Variants in GABRB2 observed in about 807,000 individuals in gnomAD.
GABRB2 encodes gamma-aminobutyric acid receptor subunit beta-2.
GABRB2 carries 16 observed loss-of-function variants against 54.7 expected under a neutral mutation model. The observed-to-expected ratio is 0.29, with a 90% CI of 0.20 to 0.44. GABRB2 has a LOEUF of 0.44. Ranked by LOEUF, GABRB2 falls within the 20% of genes least tolerant of loss-of-function variation. GABRB2 has a pLI of 1.00. For missense variants in GABRB2, 355 were observed against 644.0 expected (o/e 0.55, Z 4.86); for synonymous variants, 244 against 233.8 (o/e 1.04, Z -0.40).
chr5:161,486,880 G>C (rs564664707), intron 3 of GABRB2, among the ~76,000 whole-genome samples: 1 of 151,966 alleles, frequency 6.6e-6, no homozygotes, highest in South Asian at 2.1e-4. Flanking sequence ...ATTGAACATA[G>C]CTCATGTGCC....
chr5:161,481,222 T>C (rs1035938937), intron 3 of GABRB2, among the ~76,000 whole-genome samples: 3 of 152,030 alleles, frequency 2.0e-5, no homozygotes, highest in African/African-American at 7.2e-5. Flanking sequence ...ATGGAATCCA[T>C]ATTAGATGTG....
At chr5:161,382,555 T>A (rs2113485744) in intron 5 of GABRB2, among the ~76,000 whole-genome samples, 1 of 152,252 alleles carries the variant, frequency 6.6e-6, no homozygotes, top group Non-Finnish European at 1.5e-5. Flanking sequence ...GCTCACTGGG[T>A]AAATAACATT....
intron 3 of GABRB2, among the ~76,000 whole-genome samples, chr5:161,543,047 C>G (rs1760867881): frequency 6.6e-6 from 1 of 152,230 alleles, no homozygotes; most frequent in South Asian, 2.1e-4. Flanking sequence ...AAGTGACAAT[C>G]TAGCTGGACA....
At chr5:161,545,803 C>T (rs759644360) in intron 2 of GABRB2, among the ~76,000 whole-genome samples, 5 of 152,102 alleles carry the variant, frequency 3.3e-5, no homozygotes, top group Admixed American at 6.5e-5. Context: ...TTCTCCCTAC[C>T]CTCCCATCCC....
chr5:161,447,590 C>A (rs1343515164), intron 4 of GABRB2, among the ~76,000 whole-genome samples: 2 of 152,076 alleles, frequency 1.3e-5, no homozygotes, highest in Non-Finnish European at 2.9e-5. Context: ...ATAGCTTGAG[C>A]ATTTTGTAAA....
intron 5 of GABRB2, among the ~76,000 whole-genome samples, chr5:161,361,149 C>A (rs925706270): frequency 6.6e-6 from 1 of 151,628 alleles, no homozygotes; most frequent in African/African-American, 2.4e-5. Context: ...GAGAAGGAGG[C>A]AAGAAATGAG....
intron 3 of GABRB2, among the ~76,000 whole-genome samples, chr5:161,517,921 C>T (rs1186594062): frequency 2.0e-5 from 3 of 152,068 alleles, no homozygotes; most frequent in Non-Finnish European, 4.4e-5. Context: ...CTCAGCCTCC[C>T]AAGTAACTGG....
intron 7 of GABRB2, among the ~76,000 whole-genome samples, chr5:161,332,895 C>T (rs1230082619): frequency 6.6e-6 from 1 of 151,806 alleles, no homozygotes; most frequent in Non-Finnish European, 1.5e-5. Flanking sequence ...CCCATAAAAC[C>T]TTGGTCTTGC....
chr5:161,428,552 T>C (rs1757079150), intron 4 of GABRB2, among the ~76,000 whole-genome samples: 1 of 152,120 alleles, frequency 6.6e-6, no homozygotes, highest in African/African-American at 2.4e-5. Context: ...GGATAATGTA[T>C]AAACTTAAAA....
rs1237952955 is a variant in GABRB2 at position 161,341,937 on chromosome 5, TTATA to T, written c.542-5172_542-5169del. ...TTAATGCCACTATTTATTTTTTCTT[TTATA>T]TATATATATATATATATATATATAT... On this transcript the variant is annotated intron_variant, in intron 5 of 9. Coordinates refer to ENST00000393959, the MANE Select transcript of GABRB2 (RefSeq NM_001371727.1). Among the ~76,000 whole-genome samples the T allele has an allele frequency of 3.1e-3, 237 of 75,694 alleles. 3 individuals carry two copies. The highest frequency in any genetic ancestry group is 9.7e-3 in the African/African-American group (214 of 21,968). The allele number at this position is 75,694 out of a possible 152,430, so 49.7% of individuals were successfully genotyped here. A position where few individuals can be genotyped will look rare whatever the true frequency, so the allele number is the denominator to read the frequency against.
At chr5:161,341,741 A>C (rs1754163471) in intron 5 of GABRB2, among the ~76,000 whole-genome samples, 1 of 151,204 alleles carries the variant, frequency 6.6e-6, no homozygotes, top group Non-Finnish European at 1.5e-5. Flanking sequence ...TTATCTGATT[A>C]TATAACATGG....
intron 5 of GABRB2, among the ~76,000 whole-genome samples, chr5:161,382,801 A>G (rs114975581): frequency 0.02 from 3,076 of 152,252 alleles, 43 homozygotes; most frequent in Non-Finnish European, 0.033. Flanking sequence ...ATCTAGTCCT[A>G]TAGGCCTATT....
At chr5:161,409,114 A>C (rs748662903) in intron 5 of GABRB2, among the ~76,000 whole-genome samples, 15 of 152,056 alleles carry the variant, frequency 9.9e-5, no homozygotes, top group Admixed American at 2.6e-4. Context: ...TTTTAGACTA[A>C]GGGGTTTTAG....
chr5:161,364,264 C>T (rs1349369920), intron 5 of GABRB2, among the ~76,000 whole-genome samples: 3 of 152,060 alleles, frequency 2.0e-5, no homozygotes, highest in Admixed American at 2.0e-4. Context: ...ATTTGGTAGT[C>T]ATTTCATCTT....
Position 161,521,313 on chromosome 5 carries a change from A to G in GABRB2, c.237+23914T>C, listed in dbSNP as rs529449033. Among the ~76,000 whole-genome samples the G allele has an allele frequency of 2.0e-5, 3 of 152,088 alleles. No individual in the cohort carries two copies. In the East Asian group the frequency reaches 5.8e-4, roughly 29 times the overall value. The stretch of plus-strand genomic sequence containing the variant: ...TTTTGTTACCTTGATTATACTTCCA[A>G]TAACTTGCTTCCTGAATCAGTAAGT... On this transcript the variant is annotated intron_variant, in intron 3 of 9. Coordinates refer to ENST00000393959, the MANE Select transcript of GABRB2 (RefSeq NM_001371727.1).
At chr5:161,341,326 A>T (rs567769616) in intron 5 of GABRB2, among the ~76,000 whole-genome samples, 2 of 152,154 alleles carry the variant, frequency 1.3e-5, no homozygotes, top group South Asian at 2.1e-4. Flanking sequence ...CTTTAAAAAG[A>T]TATCAGAAGG....
intron 3 of GABRB2, among the ~76,000 whole-genome samples, chr5:161,510,305 TC>T (rs1759729679): frequency 6.6e-6 from 1 of 151,672 alleles, no homozygotes; most frequent in Non-Finnish European, 1.5e-5. Context: ...GTCCATGAGT[TC>T]AATTGCTTTG....
chr5:161,378,020 C>T (rs541273319), intron 5 of GABRB2, among the ~76,000 whole-genome samples: 3 of 151,980 alleles, frequency 2.0e-5, no homozygotes, highest in Non-Finnish European at 4.4e-5. Flanking sequence ...ATGCATAATG[C>T]TAATTAGACT....
intron 9 of GABRB2, among the ~76,000 whole-genome samples, chr5:161,297,052 C>A (rs892742664): frequency 1.3e-5 from 2 of 152,066 alleles, no homozygotes; most frequent in Non-Finnish European, 2.9e-5. Flanking sequence ...AATAATTATA[C>A]CTAAAAGAAA....
Sources: gnomAD v4.1 joint callset for allele counts (sites outside exome capture counted in the v4.1 genomes callset) on GRCh38, gnomAD v4.1.1 for gene constraint, MANE v1.5 for transcripts, NCBI Gene and HGNC (gene_info 2026-07-23, HGNC 2026-07-21) for gene names.